The following USH2A variants were observed in gnomAD, a reference collection of about 807,000 sequenced individuals.
USH2A encodes usherin.
Under a neutral mutation model 538.9 loss-of-function variants are expected in USH2A, and 443 were observed. That is an observed-to-expected ratio of 0.82 (90% CI 0.76 to 0.89). The LOEUF (loss-of-function observed/expected upper bound fraction) is 0.89. USH2A is among the 40% of genes least tolerant of loss of function. The probability of loss-of-function intolerance (pLI) is 0.00; values close to 1 mark genes in which losing one functional copy is unlikely to be tolerated. For missense variants in USH2A, 6,633 were observed against 6,324.8 expected (o/e 1.05, Z -1.65); for synonymous variants, 2,413 against 2,273.5 (o/e 1.06, Z -1.75).
chr1:215,744,262 C>T (rs537873427), intron 58 of USH2A, among the ~76,000 whole-genome samples: 1 of 152,268 alleles, frequency 6.6e-6, no homozygotes, highest in Non-Finnish European at 1.5e-5. Flanking sequence ...AGACTTATGG[C>T]CCTAAATACA....
chr1:216,206,348 GGACCC>G, intron 16 of USH2A, among the ~76,000 whole-genome samples: 1 of 152,228 alleles, frequency 6.6e-6, no homozygotes. Context: ...GTTTTTCCAT[GGACCC>G]AGGATGGGAA....
At chr1:216,030,809 A>G (rs960812960) in intron 32 of USH2A, among the ~76,000 whole-genome samples, 2 of 151,394 alleles carry the variant, frequency 1.3e-5, no homozygotes, top group East Asian at 1.9e-4. Context: ...GACCTTTCCT[A>G]GGTATTAATT....
chr1:215,921,237 A>G (rs1218158522), intron 38 of USH2A, among the ~76,000 whole-genome samples: 1 of 152,072 alleles, frequency 6.6e-6, no homozygotes, highest in East Asian at 1.9e-4. Context: ...AGTTGGGCAA[A>G]ATACTTGGTG....
At chr1:215,674,006 A>G (rs1404155667) in intron 63 of USH2A, 94 bp downstream of exon 63, 2 of 1,610,326 alleles carry the variant, frequency 1.2e-6, no homozygotes, top group Non-Finnish European at 1.7e-6. Context: ...CTTGCATCCC[A>G]TTTTTAGAGT....
At chr1:216,314,303 A>T (rs558506748) in intron 9 of USH2A, among the ~76,000 whole-genome samples, 127 of 152,284 alleles carry the variant, frequency 8.3e-4, no homozygotes, top group Non-Finnish European at 1.5e-3. Context: ...TTTTTCAAAG[A>T]TTAATAATAT....
At chr1:216,103,682 T>C (rs920309739) in intron 21 of USH2A, among the ~76,000 whole-genome samples, 1 of 152,078 alleles carries the variant, frequency 6.6e-6, no homozygotes, top group Non-Finnish European at 1.5e-5. Flanking sequence ...ACATGTAGAA[T>C]ACATAAAAAA....
chr1:215,779,794 A>G, intron 55 of USH2A, 49 bp downstream of exon 55: 4 of 1,605,090 alleles, frequency 2.5e-6, no homozygotes, highest in Non-Finnish European at 3.4e-6. Context: ...CCCCCTAACC[A>G]CAATGACAGA....
chr1:216,199,306 A>T (rs2034927506), intron 17 of USH2A, among the ~76,000 whole-genome samples: 1 of 152,210 alleles, frequency 6.6e-6, no homozygotes, highest in Non-Finnish European at 1.5e-5. Flanking sequence ...CTTGTGACAC[A>T]GTCAAATATA....
chr1:215,760,323 C>T lies in USH2A; in HGVS notation c.11048-480G>A, dbSNP rs544704649. Among the ~76,000 whole-genome samples, 31 of 152,160 alleles carry T rather than the reference C, an allele frequency of 2.0e-4. No homozygotes were observed. The South Asian group carries it at 5.4e-3, about 26-fold the overall frequency. On this transcript the variant is annotated intron_variant, in intron 56 of 71. Transcript: ENST00000307340. ...TACTGGGATCTCTTCCCCTCCTGGA[C>T]CTTGAAAGGATGTAATGCCTCAGAG...
At chr1:215,861,628 T>A (rs571853231) in intron 44 of USH2A, among the ~76,000 whole-genome samples, 2 of 152,184 alleles carry the variant, frequency 1.3e-5, no homozygotes, top group Middle Eastern at 6.8e-3. Context: ...AGAGAACAAG[T>A]AGGCACACAC....
chr1:216,274,753 A>G (rs1214069284), intron 11 of USH2A, among the ~76,000 whole-genome samples: 1 of 152,142 alleles, frequency 6.6e-6, no homozygotes, highest in Non-Finnish European at 1.5e-5. Flanking sequence ...TGCAAAGAAA[A>G]GCTTCTACAT....
intron 13 of USH2A, among the ~76,000 whole-genome samples, chr1:216,244,344 A>G (rs1481990083): frequency 6.6e-6 from 1 of 152,176 alleles, no homozygotes; most frequent in Non-Finnish European, 1.5e-5. Flanking sequence ...GGAAGATAAA[A>G]ACTCATAAAG....
At chr1:216,393,761 G>A (rs1314752729) in intron 3 of USH2A, among the ~76,000 whole-genome samples, 1 of 152,152 alleles carries the variant, frequency 6.6e-6, no homozygotes, top group Non-Finnish European at 1.5e-5. Context: ...TGAGGATGCT[G>A]AAAAGTGAAT....
intron 49 of USH2A, among the ~76,000 whole-genome samples, chr1:215,812,590 T>C (rs1041660600): frequency 1.3e-5 from 2 of 152,178 alleles, no homozygotes; most frequent in Non-Finnish European, 1.5e-5. Context: ...CACCCTAAAC[T>C]AGATATCTCA....
chr1:216,140,776 T>C (rs529863242), intron 21 of USH2A, among the ~76,000 whole-genome samples: 1 of 152,270 alleles, frequency 6.6e-6, no homozygotes, highest in East Asian at 1.9e-4. Flanking sequence ...AGGCAGGCAA[T>C]TGCCCTAAGG....
chr1:215,870,520 CTT>C, intron 43 of USH2A, among the ~76,000 whole-genome samples: 1 of 146,290 alleles, frequency 6.8e-6, no homozygotes, highest in South Asian at 2.2e-4. Flanking sequence ...TGGTCTCGAT[CTT>C]CTGACCTCAT....
At position 215,674,658 on chromosome 1, in the gene USH2A, T is replaced by A; in HGVS notation, c.13253A>T (p.Asn4418Ile). The change falls in exon 63 of 72, where the codon AAC becomes ATC. Residue 4418 changes from asparagine to isoleucine, a missense_variant. Transcript: ENST00000307340. The stretch of plus-strand genomic sequence containing the variant: ...ATTCGTGCAGGCTACAAGGGAGAAG[T>A]TATACTGAGAGTAAGGCTGCAGGTG... ...VSHLQPYSQY[N>I]FSLVACTNGG... 6.2e-7 allele frequency: 1 copy of A among 1,613,956 alleles called. No homozygotes were observed. The highest frequency in any genetic ancestry group is 8.5e-7 in the Non-Finnish European group (1 of 1,179,970).
At chr1:215,887,719 C>G (rs1665100843) in intron 41 of USH2A, among the ~76,000 whole-genome samples, 3 of 152,170 alleles carry the variant, frequency 2.0e-5, no homozygotes, top group Admixed American at 2.0e-4. Flanking sequence ...AGCAGATGAA[C>G]TTTGCTGTTA....
intron 3 of USH2A, among the ~76,000 whole-genome samples, chr1:216,379,380 A>G (rs932871398): frequency 1.3e-5 from 2 of 152,070 alleles, no homozygotes; most frequent in African/African-American, 4.8e-5. Context: ...TCTTTTCCAT[A>G]CTTCACAGTA....
Sources: gnomAD v4.1 joint callset for allele counts (sites outside exome capture counted in the v4.1 genomes callset) on GRCh38, gnomAD v4.1.1 for gene constraint, MANE v1.5 for transcripts, NCBI Gene and HGNC (gene_info 2026-07-23, HGNC 2026-07-21) for gene names.